TBC1D1: variants seen among roughly 807,000 people sequenced by gnomAD.
TBC1D1 encodes the protein TBC1 domain family member 1, also known as TBC1 (tre-2/USP6, BUB2, cdc16) domain family, member 1.
Under a neutral mutation model 125.6 loss-of-function variants are expected in TBC1D1, and 89 were observed. The observed-to-expected ratio is 0.71, with a 90% CI of 0.60 to 0.85. The LOEUF is 0.85. TBC1D1 is among the 40% of genes least tolerant of loss of function. The pLI, the probability that TBC1D1 is intolerant of heterozygous loss-of-function variation, is 0.00. For synonymous variants in TBC1D1, 565 were observed against 564.1 expected (o/e 1.00, Z -0.02); for missense variants, 1,377 against 1,469.2 (o/e 0.94, Z 1.03).
intron 12 of TBC1D1, among the ~76,000 whole-genome samples, chr4:38,069,874 T>C (rs1754408384): frequency 6.6e-6 from 1 of 152,104 alleles, no homozygotes. Flanking sequence ...TGTTTTGTTT[T>C]GTTTTGTTTT....
At chr4:38,029,092 A>G (rs544225120) in intron 7 of TBC1D1, among the ~76,000 whole-genome samples, 23 of 152,276 alleles carry the variant, frequency 1.5e-4, no homozygotes, top group African/African-American at 5.3e-4. Flanking sequence ...TGAATCTTTA[A>G]TGAGGTCATC....
At chr4:37,943,505 T>A (rs1216635884) in intron 2 of TBC1D1, among the ~76,000 whole-genome samples, 1 of 152,238 alleles carries the variant, frequency 6.6e-6, no homozygotes, top group Non-Finnish European at 1.5e-5. Flanking sequence ...TTTCACATAG[T>A]CCCGTATTTC....
chr4:37,926,385 C>T (rs1417704768), intron 2 of TBC1D1, among the ~76,000 whole-genome samples: 3 of 152,172 alleles, frequency 2.0e-5, no homozygotes, highest in African/African-American at 7.2e-5. Flanking sequence ...TACAAAGTGC[C>T]CCTTCCTTCC....
At chr4:38,083,933 T>G (rs534484754) in intron 12 of TBC1D1, among the ~76,000 whole-genome samples, 3 of 145,284 alleles carry the variant, frequency 2.1e-5, no homozygotes, top group Admixed American at 6.8e-5. Flanking sequence ...ATGAATGTTG[T>G]CTTTTTTTTT....
chr4:37,959,861 T>A (rs1310086781), intron 2 of TBC1D1, among the ~76,000 whole-genome samples: 1 of 152,110 alleles, frequency 6.6e-6, no homozygotes, highest in Non-Finnish European at 1.5e-5. Context: ...GCCTCTCGGC[T>A]CTCCCCACCA....
intron 4 of TBC1D1, among the ~76,000 whole-genome samples, chr4:38,019,235 G>A (rs753703377): frequency 3.3e-5 from 5 of 151,894 alleles, no homozygotes; most frequent in Admixed American, 6.5e-5. Context: ...TGTCAGTGTT[G>A]ATTTATAATG....
intron 2 of TBC1D1, among the ~76,000 whole-genome samples, chr4:37,929,481 CACCTATATTGTTA>C (rs910710347): frequency 6.6e-6 from 1 of 152,226 alleles, no homozygotes; most frequent in Non-Finnish European, 1.5e-5. Flanking sequence ...GGACCCCTGG[CACCTATATTGTTA>C]ACCCGTGCCC....
In TBC1D1 at chr4:38,133,229, A is replaced by G; in HGVS notation, c.3278A>G (p.Gln1093Arg). The stretch of plus-strand genomic sequence containing the variant: ...AAAACCAACAGCAGCTTACGCAAAC[A>G]GAACCTTGACCTCCTTGAACAGTTG... The change falls in exon 19 of 20, where the codon CAG becomes CGG. Residue 1093 changes from glutamine to arginine, a missense_variant. Coordinates refer to ENST00000261439, the MANE Select transcript of TBC1D1 (RefSeq NM_015173.4). 1.2e-6 allele frequency: 2 copies of G among 1,614,190 alleles called. No homozygotes were observed. The highest frequency in any genetic ancestry group is 1.7e-6 in the Non-Finnish European group (2 of 1,180,014).
At chr4:38,059,121 C>G (rs1354924655) in intron 12 of TBC1D1, among the ~76,000 whole-genome samples, 3 of 152,176 alleles carry the variant, frequency 2.0e-5, no homozygotes, top group African/African-American at 7.2e-5. Context: ...GGAAACCTAT[C>G]TGAGGTAGGT....
At chr4:37,978,109 C>T (rs1400382887) in intron 2 of TBC1D1, among the ~76,000 whole-genome samples, 1 of 152,210 alleles carries the variant, frequency 6.6e-6, no homozygotes. Flanking sequence ...GTTTTATTTT[C>T]AGAACATCAG....
intron 2 of TBC1D1, among the ~76,000 whole-genome samples, chr4:38,001,877 G>T (rs1414399763): frequency 1.3e-5 from 2 of 152,130 alleles, no homozygotes; most frequent in African/African-American, 2.4e-5. Context: ...GTTAAATATG[G>T]CAGTAAGCAC....
At chr4:38,093,143 C>T (rs1333829499) in intron 13 of TBC1D1, among the ~76,000 whole-genome samples, 1 of 151,954 alleles carries the variant, frequency 6.6e-6, no homozygotes, top group Non-Finnish European at 1.5e-5. Flanking sequence ...TCTTGAGTTC[C>T]TTTTTTTTCT....
Position 38,133,176 on chromosome 4 carries a change from T to G in TBC1D1, c.3225T>G (p.Ser1075Arg). The G allele has an allele frequency of 6.2e-7, 1 of 1,614,210 alleles. No homozygotes were observed. Among genetic ancestry groups the G allele is most frequent in the East Asian group, 2.2e-5 (1 of 44,890 alleles). The change falls in exon 19 of 20, where the codon AGT becomes AGG. Residue 1075 changes from serine to arginine, a missense_variant. Transcript: ENST00000261439. ...AACTTATCGATTCCTCTCCTCTCAG[T>G]GACAACCAAAGAATGGATAAATTAG...
intron 8 of TBC1D1, among the ~76,000 whole-genome samples, chr4:38,040,197 A>G (rs1748073647): frequency 6.6e-6 from 1 of 152,254 alleles, no homozygotes; most frequent in Non-Finnish European, 1.5e-5. Flanking sequence ...GACCTGCTTT[A>G]AAAACACATG....
At chr4:38,024,060 A>G (rs1744607757) in intron 6 of TBC1D1, among the ~76,000 whole-genome samples, 1 of 152,196 alleles carries the variant, frequency 6.6e-6, no homozygotes, top group African/African-American at 2.4e-5. Context: ...CCCTTTTTAA[A>G]TGAGATAAAT....
At chr4:38,000,539 A>G (rs1022985301) in intron 2 of TBC1D1, among the ~76,000 whole-genome samples, 1 of 152,136 alleles carries the variant, frequency 6.6e-6, no homozygotes, top group Non-Finnish European at 1.5e-5. Context: ...TGGAGCATTT[A>G]GATTTTGGAT....
chr4:38,024,846 G>A (rs932870069), intron 6 of TBC1D1, among the ~76,000 whole-genome samples: 2 of 152,122 alleles, frequency 1.3e-5, no homozygotes, highest in Admixed American at 1.3e-4. Context: ...TTAGTGATGT[G>A]GCCACACAAA....
chr4:38,067,219 G>A (rs1481705590), intron 12 of TBC1D1, among the ~76,000 whole-genome samples: 1 of 152,142 alleles, frequency 6.6e-6, no homozygotes, highest in Non-Finnish European at 1.5e-5. Flanking sequence ...GGTAATTATG[G>A]TCTTATATAA....
chr4:37,897,558 G>A (rs2152213292), intron 1 of TBC1D1, among the ~76,000 whole-genome samples: 1 of 152,292 alleles, frequency 6.6e-6, no homozygotes, highest in South Asian at 2.1e-4. Flanking sequence ...GAAATGGCAG[G>A]ACTCATTTGA....
Sources: gnomAD v4.1 joint callset for allele counts (sites outside exome capture counted in the v4.1 genomes callset) on GRCh38, gnomAD v4.1.1 for gene constraint, MANE v1.5 for transcripts, NCBI Gene and HGNC (gene_info 2026-07-23, HGNC 2026-07-21) for gene names.